Variants in FSCN3 observed in about 807,000 individuals in gnomAD.
The protein encoded by FSCN3 is fascin-3.
FSCN3 carries 43 observed loss-of-function variants against 53.5 expected under a neutral mutation model. The observed-to-expected ratio is 0.80, with a 90% CI of 0.63 to 1.04. The LOEUF (loss-of-function observed/expected upper bound fraction) is 1.04. Ranked by LOEUF, FSCN3 falls within the 50% of genes least tolerant of loss-of-function variation. FSCN3 has a pLI of 0.00. For missense variants in FSCN3, 594 were observed against 646.5 expected (o/e 0.92, Z 0.88); for synonymous variants, 235 against 246.6 (o/e 0.95, Z 0.44).
At position 127,595,387 on chromosome 7, in the gene FSCN3, G is replaced by C. The variant is rs1385503767; in HGVS notation, c.225G>C (p.Leu75=). The part of the protein sequence containing the change: ...RLKSVQGLYL[L]CECDGTVCYG... ...AGAGCGTGCAGGGCCTCTACCTGCT[G>C]TGTGAGTGTGATGGCACCGTGTGTT... Residue 75 remains leucine, a synonymous_variant, in exon 2 of 7, where the codon CTG becomes CTC. Coordinates refer to ENST00000265825, the MANE Select transcript of FSCN3 (RefSeq NM_020369.3). 4 of 1,614,098 alleles carry C rather than the reference G, an allele frequency of 2.5e-6. No homozygotes were observed. The highest frequency in any genetic ancestry group is 1.3e-5 in the African/African-American group (1 of 74,938).
At position 127,594,248 on chromosome 7, in the gene FSCN3, CTGTG is replaced by C. The variant is rs368223947; in HGVS notation, c.144+280_144+283del. ...GGAACCAGTTTTCTGAGTGGCCAAG[CTGTG>C]TGTGTGTGTGTGTGTGTGTGTGTGT... On this transcript the variant is annotated intron_variant, in intron 1 of 6. Transcript: ENST00000265825. Among the ~76,000 whole-genome samples the C allele has an allele frequency of 3.6e-4, 36 of 99,010 alleles. 1 individual carries two copies. The highest frequency in any genetic ancestry group is 1.9e-3 in the East Asian group (4 of 2,154). The allele number at this position is 99,010 out of a possible 152,430, so 65.0% of individuals were successfully genotyped here. A position where few individuals can be genotyped will look rare whatever the true frequency, so the allele number is the denominator to read the frequency against.
In FSCN3 at chr7:127,595,386, T is replaced by C; in HGVS notation, c.224T>C (p.Leu75Pro). The C allele has an allele frequency of 1.2e-6, 2 of 1,614,132 alleles. No homozygotes were observed. Among genetic ancestry groups the C allele is most frequent in the East Asian group, 2.2e-5 (1 of 44,880 alleles). Reference sequence around the variant, plus strand: ...AAGAGCGTGCAGGGCCTCTACCTGCTGTGTGAGTGTGATGGCACCGTGTGT... The same window carrying C: ...AAGAGCGTGCAGGGCCTCTACCTGCCGTGTGAGTGTGATGGCACCGTGTGT... The part of the protein sequence containing the change: ...RLKSVQGLYL[L>P]CECDGTVCYG... The change falls in exon 2 of 7, where the codon CTG becomes CCG. Residue 75 changes from leucine to proline, a missense_variant. Leu to Pro is a moderately conservative substitution (Grantham distance 98). Coordinates refer to ENST00000265825, the MANE Select transcript of FSCN3 (RefSeq NM_020369.3).
intron 1 of FSCN3, among the ~76,000 whole-genome samples, chr7:127,594,248 C>CTCTGTGTG (rs1554402179): frequency 1.9e-4 from 19 of 98,938 alleles, no homozygotes; most frequent in Non-Finnish European, 3.4e-4. Flanking sequence ...AGTGGCCAAG[C>CTCTGTGTG]TGTGTGTGTG....
intron 3 of FSCN3, among the ~76,000 whole-genome samples, 172 bp from the exon 4 acceptor site, chr7:127,598,263 G>C (rs995606384): frequency 3.5e-4 from 53 of 152,196 alleles, no homozygotes; most frequent in African/African-American, 1.1e-3. Flanking sequence ...GGAAGGGGAA[G>C]AGCTGAGGCC....
chr7:127,600,356 CA>C lies in FSCN3; in HGVS notation c.1455del (p.Asp486ThrfsTer56). 1 of 1,613,086 alleles carries C rather than the reference CA, an allele frequency of 6.2e-7. No homozygotes were observed. Among genetic ancestry groups the C allele is most frequent in the Non-Finnish European group, 8.5e-7 (1 of 1,179,000 alleles). On this transcript the variant is annotated frameshift_variant, in exon 6 of 7. Coordinates refer to ENST00000265825, the MANE Select transcript of FSCN3 (RefSeq NM_020369.3). LOFTEE classifies it high-confidence loss of function. Reference sequence around the variant, plus strand: ...GCCGACCAAAGTGGCACCCTGTTGGCAGACAGTGAAGACATTACCAGAGAGT... The same window carrying C: ...GCCGACCAAAGTGGCACCCTGTTGGCGACAGTGAAGACATTACCAGAGAGT... ...MRADQSGTLL[A>X]DSEDITRECI... is the part of the protein sequence containing the mutation.
intron 3 of FSCN3, among the ~76,000 whole-genome samples, chr7:127,597,879 T>A (rs566356343): frequency 6.6e-6 from 1 of 152,372 alleles, no homozygotes; most frequent in Non-Finnish European, 1.5e-5. Context: ...GCGTTGTAAG[T>A]GGTCTTCATG....
intron 4 of FSCN3, 76 bp from the exon 5 acceptor site, chr7:127,599,305 C>T (rs938092383): frequency 4.6e-5 from 50 of 1,076,868 alleles, no homozygotes; most frequent in Non-Finnish European, 5.5e-5. Context: ...CTGCAATTAG[C>T]GTCCCCCCTC....
At position 127,600,282 on chromosome 7, in the gene FSCN3, G is replaced by A. The variant is rs772752415; in HGVS notation, c.1380G>A (p.Gln460=). 1.9e-5 allele frequency: 30 copies of A among 1,610,242 alleles called. No homozygotes were observed. The highest frequency in any genetic ancestry group is 3.3e-5 in the Admixed American group (2 of 60,012). The change falls in exon 6 of 7, where the codon CAG becomes CAA. Residue 460 remains glutamine, a synonymous_variant. Transcript: ENST00000265825. ...KFALNFCIEL[Q]GSNLLTVLAP... ...CCCTCAACTTCTGTATCGAGCTTCA[G>A]GGGAGCAACTTACTCACTGTACTGG...
chr7:127,596,569 A>G lies in FSCN3; in HGVS notation c.960+123A>G, dbSNP rs1587540990. The G allele has an allele frequency of 1.0e-5, 5 of 493,258 alleles. No individual in the cohort carries two copies. In the East Asian group the frequency reaches 1.2e-4, roughly 12 times the overall value. The allele number at this position is 493,258 out of a possible 1,614,324, so 30.6% of individuals were successfully genotyped here. A position where few individuals can be genotyped will look rare whatever the true frequency, so the allele number is the denominator to read the frequency against. On this transcript the variant is annotated intron_variant, in intron 3 of 6. Transcript: ENST00000265825. Reference sequence around the variant, plus strand: ...ATGTGGGCTGTGGAGGCACTTGTTGATAAACATTCATTTTCACCCAATGGG... The same window carrying G: ...ATGTGGGCTGTGGAGGCACTTGTTGGTAAACATTCATTTTCACCCAATGGG...
intron 6 of FSCN3, 50 bp downstream of exon 6, chr7:127,600,449 A>G: frequency 8.9e-7 from 1 of 1,126,440 alleles, no homozygotes; most frequent in Non-Finnish European, 1.3e-6. Context: ...GCCATGGGGC[A>G]AGAGGAGAAG....
At chr7:127,600,467 G>T in intron 6 of FSCN3, 68 bp downstream of exon 6, 1 of 949,672 alleles carries the variant, frequency 1.1e-6, no homozygotes, top group Non-Finnish European at 1.7e-6. Context: ...AAGGGAGGTG[G>T]GTGGGGAGGC....
chr7:127,598,476 G>T lies in FSCN3; in HGVS notation c.1002G>T (p.Glu334Asp), dbSNP rs765264884. The change falls in exon 4 of 7, where the codon GAG becomes GAT. Residue 334 changes from glutamate to aspartate, a missense_variant. By Grantham distance (45) the Glu-to-Asp change is conservative. Transcript: ENST00000265825. ...RAVMADGHPL[E>D]SDTFFRMHWN... is the part of the protein sequence containing the mutation. Reference sequence around the variant, plus strand: ...TAATGGCTGATGGGCACCCCCTGGAGTCTGACACGTTCTTCCGAATGCACT... The same window carrying T: ...TAATGGCTGATGGGCACCCCCTGGATTCTGACACGTTCTTCCGAATGCACT... 23 of 1,614,136 alleles carry T rather than the reference G, an allele frequency of 1.4e-5. No individual in the cohort carries two copies. Among genetic ancestry groups the T allele is most frequent in the Non-Finnish European group, 1.9e-5 (23 of 1,179,982 alleles).
intron 6 of FSCN3, among the ~76,000 whole-genome samples, chr7:127,601,111 A>G (rs1794468232): frequency 6.6e-6 from 1 of 152,084 alleles, no homozygotes; most frequent in Admixed American, 6.6e-5. Context: ...ATACTTGGCT[A>G]CTTCTTTAAC....
At position 127,595,503 on chromosome 7, in the gene FSCN3, G is replaced by A. The variant is rs199821862; in HGVS notation, c.341G>A (p.Arg114His). ...ACCCTCCAGTGCCTAATCTCTGGTC[G>A]TTATTTGGAGTCCAATGGCAAGGAC... The part of the protein sequence containing the change: ...KWTLQCLISG[R>H]YLESNGKDVF... The change falls in exon 2 of 7, where the codon CGT (arginine) becomes CAT (histidine). Residue 114 changes from arginine to histidine, a missense_variant. Arg to His is a conservative substitution (Grantham distance 29, BLOSUM62 0). Coordinates refer to ENST00000265825, the MANE Select transcript of FSCN3 (RefSeq NM_020369.3). The A allele has an allele frequency of 2.1e-4, 331 of 1,614,114 alleles. 1 individual carries two copies. In the South Asian group the frequency reaches 2.4e-3, roughly 12 times the overall value.
Position 127,595,568 on chromosome 7 carries a change from TG to T in FSCN3, c.408del (p.Trp136Ter). 1 of 1,614,164 alleles carries T rather than the reference TG, an allele frequency of 6.2e-7. No individual in the cohort carries two copies. The highest frequency in any genetic ancestry group is 8.5e-7 in the Non-Finnish European group (1 of 1,180,018). On this transcript the variant is annotated frameshift_variant, in exon 2 of 7. Transcript: ENST00000265825. LOFTEE classifies it high-confidence loss of function. ...TSHVLSAYHMWTPRPALHVHV... is the reference protein window; with the variant it reads ...TSHVLSAYHMXTPRPALHVHV... ...CCACGTCCTCTCAGCTTACCACATG[TG>T]GACCCCCCGACCAGCCCTCCATGTC...
At chr7:127,597,070 G>T (rs988881218) in intron 3 of FSCN3, among the ~76,000 whole-genome samples, 1 of 152,202 alleles carries the variant, frequency 6.6e-6, no homozygotes, top group Non-Finnish European at 1.5e-5. Context: ...TTTTATTGCC[G>T]AGTGGTATTC....
chr7:127,596,485 T>C, intron 3 of FSCN3, 39 bp downstream of exon 3: 1 of 935,918 alleles, frequency 1.1e-6, no homozygotes, highest in Non-Finnish European at 1.7e-6. Flanking sequence ...AACCTTAAGC[T>C]CTGAGCTCTC....
rs771026518 is a variant in FSCN3, at chr7:127,598,593, A to G, written c.1119A>G (p.Pro373=). Residue 373 remains proline, a splice_region_variant and synonymous_variant, in exon 4 of 7, where the codon CCA becomes CCG. Transcript: ENST00000265825. ...NSLLMANVIL[P]GPNEEFGILF... is the part of the protein sequence containing the mutation. ...TGCTGATGGCCAATGTCATCCTTCC[A>G]GGTGAGTGGAGCAGCCTTCCTGCCA... The G allele has an allele frequency of 1.1e-5, 17 of 1,601,168 alleles. No individual in the cohort carries two copies. The highest frequency in any genetic ancestry group is 1.7e-5 in the Admixed American group (1 of 58,648).
In FSCN3 at chr7:127,595,800, C is replaced by T; in HGVS notation, c.638C>T (p.Thr213Ile). The T allele has an allele frequency of 6.2e-6, 10 of 1,613,534 alleles. No individual in the cohort carries two copies. Among genetic ancestry groups the T allele is most frequent in the Non-Finnish European group, 8.5e-6 (10 of 1,179,618 alleles). Residue 213 changes from threonine (T) to isoleucine (I), a missense_variant, in exon 2 of 7, where the codon ACA becomes ATA. Thr to Ile is a moderately conservative substitution (Grantham distance 89). Coordinates refer to ENST00000265825, the MANE Select transcript of FSCN3 (RefSeq NM_020369.3). ...CTGTTCTCCCAACCCTCATCACAGA[C>T]AGCTTTTCACATGCAAGTGCGGCCT... is the stretch of plus-strand genomic sequence containing the variant. ...DRLFSQPSSQ[T>I]AFHMQVRPGG...
Sources: gnomAD v4.1 joint callset for allele counts (sites outside exome capture counted in the v4.1 genomes callset) on GRCh38, gnomAD v4.1.1 for gene constraint, MANE v1.5 for transcripts, NCBI Gene and HGNC (gene_info 2026-07-23, HGNC 2026-07-21) for gene names.